Variants in GPC6 observed in about 807,000 individuals in gnomAD.
GPC6 encodes the protein glypican-6.
In GPC6, 14 loss-of-function variants were observed where a neutral mutation model predicts 55.2. That is an observed-to-expected ratio of 0.25 (90% confidence interval 0.17 to 0.40). GPC6 has a LOEUF of 0.40. Among genes scored for constraint, GPC6 ranks in the 10% least tolerant of loss-of-function variants. The pLI is 1.00. For missense variants in GPC6, 641 were observed against 708.5 expected, an observed-to-expected ratio of 0.90 and a Z score of 1.08; for synonymous variants, 278 against 259.6, an observed-to-expected ratio of 1.07 and a Z score of -0.68.
chr13:94,370,810 A>G (rs959638143), intron 6 of GPC6, among the ~76,000 whole-genome samples: 6 of 152,334 alleles, frequency 3.9e-5, no homozygotes, highest in Admixed American at 3.9e-4. Context: ...GCACTACTGA[A>G]TTAACACATT....
intron 4 of GPC6, among the ~76,000 whole-genome samples, chr13:94,147,884 C>G (rs1887616683): frequency 6.6e-6 from 1 of 152,146 alleles, no homozygotes; most frequent in Admixed American, 6.6e-5. Context: ...AAAAAGTGGA[C>G]CCATGAAACC....
intron 4 of GPC6, among the ~76,000 whole-genome samples, chr13:94,205,730 T>C (rs762423080): frequency 1.3e-5 from 2 of 152,244 alleles, no homozygotes; most frequent in Non-Finnish European, 2.9e-5. Context: ...GACTTCATTT[T>C]CTTTTTTGAG....
intron 2 of GPC6, among the ~76,000 whole-genome samples, chr13:93,674,233 G>GCC (rs1881487918): frequency 6.6e-6 from 1 of 152,094 alleles, no homozygotes; most frequent in African/African-American, 2.4e-5. Context: ...GGTAAAGGTT[G>GCC]CCTTTAAACA....
intron 2 of GPC6, among the ~76,000 whole-genome samples, chr13:93,786,260 G>A (rs1484723731): frequency 6.6e-6 from 1 of 152,082 alleles, no homozygotes; most frequent in African/African-American, 2.4e-5. Context: ...ACTGTCCACT[G>A]GAACTTCCAG....
chr13:94,156,860 A>G (rs1887964648), intron 4 of GPC6, among the ~76,000 whole-genome samples: 1 of 152,192 alleles, frequency 6.6e-6, no homozygotes, highest in African/African-American at 2.4e-5. Context: ...CCATGGTTCT[A>G]AGTAATTAGA....
At chr13:93,855,918 A>G (rs1325710145) in intron 3 of GPC6, among the ~76,000 whole-genome samples, 1 of 151,460 alleles carries the variant, frequency 6.6e-6, no homozygotes, top group African/African-American at 2.4e-5. Context: ...CATTCTTTCT[A>G]TATTTTGGAT....
intron 6 of GPC6, among the ~76,000 whole-genome samples, chr13:94,381,368 G>T (rs1451125022): frequency 6.6e-6 from 1 of 152,146 alleles, no homozygotes; most frequent in Admixed American, 6.5e-5. Context: ...CCTTCTGAGG[G>T]CTAGGAGGAA....
intron 4 of GPC6, among the ~76,000 whole-genome samples, chr13:94,277,783 G>A (rs1044926518): frequency 3.3e-5 from 5 of 152,052 alleles, no homozygotes; most frequent in African/African-American, 9.7e-5. Context: ...CTGTTCCATT[G>A]GTCTATATGT....
intron 2 of GPC6, among the ~76,000 whole-genome samples, chr13:93,793,989 A>G (rs1228623351): frequency 2.6e-5 from 4 of 152,172 alleles, no homozygotes. Flanking sequence ...TCCATGGATC[A>G]TGCCCGTGTT....
chr13:93,985,866 C>T (rs76634145), intron 3 of GPC6, among the ~76,000 whole-genome samples: 3,096 of 151,996 alleles, frequency 0.02, 111 homozygotes, highest in African/African-American at 0.071. Context: ...ACTAAAAAAT[C>T]GGGGCTTCTG....
chr13:93,745,470 C>G (rs898578705), intron 2 of GPC6, among the ~76,000 whole-genome samples: 12 of 152,292 alleles, frequency 7.9e-5, no homozygotes, highest in Admixed American at 5.9e-4. Flanking sequence ...CTTCTCCACA[C>G]TAGGTCTTTA....
rs1890932032 is a variant in GPC6 at position 94,237,991 on chromosome 13, G to A, written c.878-48358G>A. Among the ~76,000 whole-genome samples the A allele has an allele frequency of 2.0e-5, 3 of 152,166 alleles. No homozygotes were observed. The South Asian group carries it at 6.2e-4, about 32-fold the overall frequency. Reference sequence around the variant, plus strand: ...TCATAGTGATGAAGAGAAGTGAACAGATGCAGGATAGTTTTTGGAAGAGGA... The same window carrying A: ...TCATAGTGATGAAGAGAAGTGAACAAATGCAGGATAGTTTTTGGAAGAGGA... On this transcript the variant is annotated intron_variant, in intron 4 of 8. Coordinates refer to ENST00000377047, the MANE Select transcript of GPC6 (RefSeq NM_005708.5).
intron 4 of GPC6, among the ~76,000 whole-genome samples, chr13:94,131,897 GAA>G (rs1228630435): frequency 6.6e-6 from 1 of 152,104 alleles, no homozygotes; most frequent in Non-Finnish European, 1.5e-5. Flanking sequence ...TACAAGAAAA[GAA>G]AAATAAAGGA....
intron 1 of GPC6, among the ~76,000 whole-genome samples, chr13:93,394,476 G>A (rs114025469): frequency 2.6e-5 from 4 of 152,254 alleles, no homozygotes; most frequent in African/African-American, 9.6e-5. Flanking sequence ...AATTCATTTG[G>A]TGATTACCTC....
intron 1 of GPC6, among the ~76,000 whole-genome samples, chr13:93,334,552 T>G (rs377060257): frequency 6.6e-6 from 1 of 152,156 alleles, no homozygotes; most frequent in Non-Finnish European, 1.5e-5. Context: ...AACCTGTGCC[T>G]CCTGGGTTCA....
At chr13:94,075,850 TTATC>T (rs556451262) in intron 4 of GPC6, among the ~76,000 whole-genome samples, 107 of 152,126 alleles carry the variant, frequency 7.0e-4, no homozygotes, top group Non-Finnish European at 1.3e-3. Flanking sequence ...CTACATCTCT[TTATC>T]TATCCATCAG....
chr13:94,177,997 T>C (rs1329788442), intron 4 of GPC6, among the ~76,000 whole-genome samples: 2 of 151,370 alleles, frequency 1.3e-5, no homozygotes, highest in African/African-American at 4.9e-5. Flanking sequence ...TTTAAAAGCA[T>C]GTATCATTCT....
At chr13:93,777,460 T>C (rs992034534) in intron 2 of GPC6, among the ~76,000 whole-genome samples, 24 of 152,166 alleles carry the variant, frequency 1.6e-4, no homozygotes, top group African/African-American at 4.8e-4. Context: ...TTGTTGCCAA[T>C]GAGGTTTTTA....
intron 1 of GPC6, among the ~76,000 whole-genome samples, chr13:93,508,431 G>A (rs1880817624): frequency 6.6e-6 from 1 of 152,160 alleles, no homozygotes; most frequent in Non-Finnish European, 1.5e-5. Context: ...GGCTGGTGTG[G>A]CCAAAGGAAA....
Sources: allele counts gnomAD v4.1 joint callset (sites outside exome capture counted in the v4.1 genomes callset), GRCh38; gene constraint gnomAD v4.1.1; transcripts MANE v1.5; gene names NCBI Gene and HGNC (gene_info 2026-07-23, HGNC 2026-07-21).